PDZD8: variants seen among roughly 807,000 people sequenced by gnomAD.
PDZD8 encodes PDZ domain containing 8, also known as PDZ domain-containing protein 8.
Under a neutral mutation model 85.8 loss-of-function variants are expected in PDZD8, and 14 were observed. The observed-to-expected ratio is 0.16, with a 90% CI of 0.11 to 0.26. The LOEUF (loss-of-function observed/expected upper bound fraction) is 0.26, where lower values mean the gene tolerates loss of function less well. Ranked by LOEUF, PDZD8 falls within the 10% of genes least tolerant of loss-of-function variation. PDZD8 has a pLI of 1.00. For missense variants in PDZD8, 1,197 were observed against 1,424.3 expected, an observed-to-expected ratio of 0.84 and a Z score of 2.57; for synonymous variants, 592 against 568.6, an observed-to-expected ratio of 1.04 and a Z score of -0.59.
At chr10:117,345,238 G>T (rs1490859243) in intron 1 of PDZD8, among the ~76,000 whole-genome samples, 1 of 152,180 alleles carries the variant, frequency 6.6e-6, no homozygotes, top group Admixed American at 6.5e-5. Context: ...TGGAGGTTGT[G>T]GTGAAAAGCA....
At position 117,283,652 on chromosome 10, in the gene PDZD8, C is replaced by G; in HGVS notation, c.3081G>C (p.Leu1027Phe). 1 of 1,614,220 alleles carries G rather than the reference C, an allele frequency of 6.2e-7. No homozygotes were observed. The change falls in exon 5 of 5, where the codon TTG (leucine) becomes TTC (phenylalanine). Residue 1027 changes from leucine to phenylalanine, a missense_variant. By Grantham distance (22) the Leu-to-Phe change is conservative. This residue lies in a region of PDZD8 where 418 missense variants were observed against 571.1 expected (regional missense o/e 0.73). Coordinates refer to ENST00000334464, the MANE Select transcript of PDZD8 (RefSeq NM_173791.5). ...GTTTCTGGATCCTTTCCTCTGTAGG[C>G]AAGCCCCTGTACAGATCACGACCAA... ...KEIGRDLYRG[L>F]PTEERIQKLE... is the part of the protein sequence containing the mutation.
intron 2 of PDZD8, among the ~76,000 whole-genome samples, chr10:117,320,111 T>G (rs977571995): frequency 3.9e-5 from 6 of 152,030 alleles, no homozygotes; most frequent in African/African-American, 1.4e-4. Context: ...TCTAAACAAT[T>G]CTTAAATAAT....
At position 117,374,594 on chromosome 10, in the gene PDZD8, A is replaced by C; in HGVS notation, c.634T>G (p.Phe212Val). 1 of 1,592,078 alleles carries C rather than the reference A, an allele frequency of 6.3e-7. No homozygotes were observed. The highest frequency in any genetic ancestry group is 8.6e-7 in the Non-Finnish European group (1 of 1,168,796). ...ACAAACAAGTAGGCGGACTTGCCGA[A>C]GACCAGGTCCACGTCGATGGCCAGG... is the stretch of plus-strand genomic sequence containing the variant. ...FHLAIDVDLVFGKSAYLFVKL... is the reference protein window; with the variant it reads ...FHLAIDVDLVVGKSAYLFVKL... Residue 212 changes from phenylalanine (F) to valine (V), a missense_variant, in exon 1 of 5, where the codon TTC (phenylalanine) becomes GTC (valine). Transcript: ENST00000334464. The surrounding 1 kb of genome is among the most constrained non-coding windows in gnomAD (Gnocchi z 7.8).
intron 1 of PDZD8, among the ~76,000 whole-genome samples, chr10:117,352,292 G>A (rs548170826): frequency 1.3e-5 from 2 of 152,292 alleles, no homozygotes; most frequent in South Asian, 4.1e-4. Flanking sequence ...CTGCAGTTGA[G>A]CGTTCATGTT....
At position 117,360,991 on chromosome 10, in the gene PDZD8, A is replaced by C. The variant is rs1037348360; in HGVS notation, c.872+13365T>G. Among the ~76,000 whole-genome samples, 33 of 152,202 alleles carry C rather than the reference A, an allele frequency of 2.2e-4. 1 individual carries two copies. The highest frequency in any genetic ancestry group is 8.0e-4 in the African/African-American group (33 of 41,462). ...TGCATATCAGAAATTACAAATGATA[A>C]AAATTTTAAACATAAGAATATATAA... On this transcript the variant is annotated intron_variant, in intron 1 of 4. Coordinates refer to ENST00000334464, the MANE Select transcript of PDZD8 (RefSeq NM_173791.5).
intron 2 of PDZD8, among the ~76,000 whole-genome samples, chr10:117,333,020 G>A (rs749707935): frequency 6.8e-6 from 1 of 146,592 alleles, no homozygotes; most frequent in Non-Finnish European, 1.5e-5. Flanking sequence ...TTGAGAAGCT[G>A]AGGCAGGAGA....
chr10:117,354,348 G>A (rs1844856706), intron 1 of PDZD8, among the ~76,000 whole-genome samples: 2 of 152,158 alleles, frequency 1.3e-5, no homozygotes, highest in South Asian at 4.1e-4. Context: ...TCAAGTTCGT[G>A]GCTTGTTATA....
Position 117,284,516 on chromosome 10 carries a change from C to G in PDZD8, c.2217G>C (p.Val739=). ...TTGATGTAGCTAGGCATCCTAAAGC[C>G]ACATCTTCAAGTTTTAAACTAACAT... The part of the protein sequence containing the change: ...LGHVSLKLED[V]ALGCLATSNT... Residue 739 remains valine (V), a synonymous_variant, in exon 5 of 5, where the codon GTG becomes GTC. Transcript: ENST00000334464. 2 of 1,614,128 alleles carry G rather than the reference C, an allele frequency of 1.2e-6. No homozygotes were observed. The highest frequency in any genetic ancestry group is 4.5e-5 in the East Asian group (2 of 44,874).
intron 3 of PDZD8, among the ~76,000 whole-genome samples, chr10:117,311,411 T>C (rs1045987631): frequency 1.3e-5 from 2 of 152,144 alleles, no homozygotes; most frequent in African/African-American, 4.8e-5. Flanking sequence ...AGGGTTGAGG[T>C]TGTATGAAGG....
intron 1 of PDZD8, among the ~76,000 whole-genome samples, chr10:117,368,845 G>T (rs1845134917): frequency 1.5e-5 from 2 of 135,410 alleles, no homozygotes; most frequent in African/African-American, 2.7e-5. Flanking sequence ...ACATTATATT[G>T]ACAATGTTTT....
chr10:117,340,264 C>T (rs910924658), intron 2 of PDZD8, among the ~76,000 whole-genome samples: 1 of 151,976 alleles, frequency 6.6e-6, no homozygotes, highest in Non-Finnish European at 1.5e-5. Flanking sequence ...CTTTGCCAGG[C>T]CAAACTTTAC....
chr10:117,303,189 A>G (rs2133784139), intron 3 of PDZD8, among the ~76,000 whole-genome samples: 1 of 152,330 alleles, frequency 6.6e-6, no homozygotes, highest in South Asian at 2.1e-4. Flanking sequence ...TGACAGCGAC[A>G]TGGACAATAA....
intron 3 of PDZD8, among the ~76,000 whole-genome samples, chr10:117,303,884 G>A (rs1843889031): frequency 6.6e-6 from 1 of 152,244 alleles, no homozygotes; most frequent in South Asian, 2.1e-4. Flanking sequence ...ATGCCTGGAT[G>A]CCCAGGCAAA....
At chr10:117,293,804 T>C (rs1565019954) in intron 3 of PDZD8, among the ~76,000 whole-genome samples, 4 of 152,084 alleles carry the variant, frequency 2.6e-5, no homozygotes, top group Non-Finnish European at 5.9e-5. Flanking sequence ...CACCAGGATG[T>C]AGAAGGTCAT....
intron 2 of PDZD8, among the ~76,000 whole-genome samples, chr10:117,339,540 T>C (rs1278693255): frequency 6.6e-6 from 1 of 152,234 alleles, no homozygotes; most frequent in African/African-American, 2.4e-5. Context: ...CTGTTTTGTA[T>C]AACCTGTGGG....
chr10:117,310,877 C>G (rs1163786503), intron 3 of PDZD8, among the ~76,000 whole-genome samples: 1 of 152,094 alleles, frequency 6.6e-6, no homozygotes, highest in Non-Finnish European at 1.5e-5. Flanking sequence ...ACCAAAATGC[C>G]AACTCTGAGG....
At chr10:117,342,503 A>G (rs2133849200) in intron 1 of PDZD8, among the ~76,000 whole-genome samples, 1 of 152,130 alleles carries the variant, frequency 6.6e-6, no homozygotes, top group Middle Eastern at 3.4e-3. Context: ...CTTGAGACAC[A>G]GTCTTGCTCT....
Position 117,285,435 on chromosome 10 carries a change from A to T in PDZD8, c.1298T>A (p.Leu433His), listed in dbSNP as rs202157439. 72 of 1,611,598 alleles carry T rather than the reference A, an allele frequency of 4.5e-5. No homozygotes were observed. The highest frequency in any genetic ancestry group is 6.1e-5 in the Non-Finnish European group (72 of 1,177,896). Residue 433 changes from leucine to histidine, a missense_variant, in exon 5 of 5, where the codon CTT becomes CAT. Leu to His is a moderately conservative substitution (Grantham distance 99). Transcript: ENST00000334464. ...KITSTLQVLKLIKQAGDRVLV... is the reference protein window; with the variant it reads ...KITSTLQVLKHIKQAGDRVLV... Reference sequence around the variant, plus strand: ...GACTCGGTCACCAGCCTGCTTGATAAGCTTCAACACTTGCAGTGTTGATGT... The same window carrying T: ...GACTCGGTCACCAGCCTGCTTGATATGCTTCAACACTTGCAGTGTTGATGT...
intron 1 of PDZD8, among the ~76,000 whole-genome samples, chr10:117,353,458 C>T (rs1425692110): frequency 6.6e-6 from 1 of 152,128 alleles, no homozygotes; most frequent in Non-Finnish European, 1.5e-5. Context: ...CAACGAATCT[C>T]TCTCTGTTCT....
Sources: allele counts gnomAD v4.1 joint callset (sites outside exome capture counted in the v4.1 genomes callset), GRCh38; gene constraint gnomAD v4.1.1; regional missense constraint gnomAD v4.1.1; non-coding constraint Gnocchi (gnomAD v3.1); transcripts MANE v1.5; gene names NCBI Gene and HGNC (gene_info 2026-07-23, HGNC 2026-07-21).